The following NOCT variants were observed in gnomAD, a reference collection of about 807,000 sequenced individuals.
NOCT encodes the protein CCR4 carbon catabolite repression 4-like.
Under a neutral mutation model 35.0 loss-of-function variants are expected in NOCT, and 18 were observed. The ratio of observed to expected loss-of-function variants is 0.51; its 90% CI spans 0.36 to 0.76. The LOEUF is 0.76. Ranked by LOEUF, NOCT falls within the 30% of genes least tolerant of loss-of-function variation. NOCT has a pLI of 0.01. For missense variants in NOCT, 479 were observed against 541.0 expected (o/e 0.89, Z 1.14); for synonymous variants, 235 against 226.3 (o/e 1.04, Z -0.34).
In NOCT at chr4:139,035,864, A is replaced by G. The variant is rs574597031; in HGVS notation, c.191-7210A>G. Among the ~76,000 whole-genome samples the G allele has an allele frequency of 3.9e-5, 6 of 152,150 alleles. No homozygotes were observed. The East Asian group carries it at 7.8e-4, about 20-fold the overall frequency. On this transcript the variant is annotated intron_variant, in intron 1 of 2. Coordinates refer to ENST00000280614, the MANE Select transcript of NOCT (RefSeq NM_012118.4). ...CCTCTGTTTATCAAGCTTGCCACGCATGTTCCTCAGGGATTTTGCACTTGC... is the reference window on the plus strand; with the variant it reads ...CCTCTGTTTATCAAGCTTGCCACGCGTGTTCCTCAGGGATTTTGCACTTGC...
At chr4:139,016,638 G>GTT (rs1560727604) in intron 1 of NOCT, among the ~76,000 whole-genome samples, 2 of 50,822 alleles carry the variant, frequency 3.9e-5, no homozygotes, top group African/African-American at 1.4e-4. Context: ...TTCGTTTTAC[G>GTT]TTGTTTTTTT....
chr4:139,017,951 C>T (rs1206421133), intron 1 of NOCT, among the ~76,000 whole-genome samples: 1 of 152,108 alleles, frequency 6.6e-6, no homozygotes, highest in African/African-American at 2.4e-5. Flanking sequence ...GAGTTATCCT[C>T]AGACTCTGGA....
rs772273830 is a variant in NOCT at position 139,033,180 on chromosome 4, C to T, written c.191-9894C>T. 2.9e-4 allele frequency among the ~76,000 whole-genome samples: 44 copies of T among 151,684 alleles called. 1 individual carries two copies. The highest frequency in any genetic ancestry group is 9.7e-5 in the African/African-American group (4 of 41,336). Reference sequence around the variant, plus strand: ...AGGAGTTCAAGACCAGCCTAGCCAACGTGGTAAAACCCTGTCTCTACTAAA... The same window carrying T: ...AGGAGTTCAAGACCAGCCTAGCCAATGTGGTAAAACCCTGTCTCTACTAAA... On this transcript the variant is annotated intron_variant, in intron 1 of 2. Coordinates refer to ENST00000280614, the MANE Select transcript of NOCT (RefSeq NM_012118.4).
chr4:139,028,222 G>A (rs1436189346), intron 1 of NOCT: 1 of 152,248 alleles, frequency 6.6e-6, no homozygotes, highest in Non-Finnish European at 1.5e-5. Flanking sequence ...GTTAAACTAA[G>A]CATTTATCAT....
intron 1 of NOCT, among the ~76,000 whole-genome samples, chr4:139,039,060 G>GGT (rs1463341004): frequency 6.6e-6 from 1 of 150,830 alleles, no homozygotes; most frequent in African/African-American, 2.4e-5. Flanking sequence ...TAGCTTGTTG[G>GGT]GTGTGGTGGC....
At chr4:139,041,756 A>C (rs982982517) in intron 1 of NOCT, among the ~76,000 whole-genome samples, 2 of 152,190 alleles carry the variant, frequency 1.3e-5, no homozygotes, top group African/African-American at 4.8e-5. Flanking sequence ...AGCTGAACAA[A>C]ATCAGCTTAC....
At position 139,045,387 on chromosome 4, in the gene NOCT, C is replaced by T. The variant is rs778849254; in HGVS notation, c.1209C>T (p.Asn403=). Residue 403 remains asparagine, a synonymous_variant, in exon 3 of 3, where the codon AAC becomes AAT. Coordinates refer to ENST00000280614, the MANE Select transcript of NOCT (RefSeq NM_012118.4). The part of the protein sequence containing the change: ...DLLTEEQIGP[N]RLPSFNYPSD... ...TCACTGAAGAACAGATTGGACCCAA[C>T]AGGTTACCTTCCTTCAATTATCCTT... The T allele has an allele frequency of 1.9e-6, 3 of 1,613,978 alleles. No individual in the cohort carries two copies. Among genetic ancestry groups the T allele is most frequent in the Non-Finnish European group, 2.5e-6 (3 of 1,180,000 alleles).
chr4:139,043,392 C>G, intron 2 of NOCT, 49 bp downstream of exon 2: 1 of 1,566,504 alleles, frequency 6.4e-7, no homozygotes, highest in Non-Finnish European at 8.8e-7. Context: ...CTGTGACTGC[C>G]TTTCTGCTTC....
chr4:139,045,155 A>G lies in NOCT; in HGVS notation c.977A>G (p.Asn326Ser), dbSNP rs745430849. 6 of 1,614,080 alleles carry G rather than the reference A, an allele frequency of 3.7e-6. No homozygotes were observed. The highest frequency in any genetic ancestry group is 1.1e-5 in the South Asian group (1 of 91,086). ...KIPLIVCGDF[N>S]AEPTEEVYKH... ...CCCCTTATTGTGTGTGGGGACTTCA[A>G]TGCAGAGCCAACAGAAGAGGTCTAC... Residue 326 changes from asparagine to serine, a missense_variant, in exon 3 of 3, where the codon AAT (asparagine) becomes AGT (serine). Coordinates refer to ENST00000280614, the MANE Select transcript of NOCT (RefSeq NM_012118.4).
chr4:139,044,669 A>G lies in NOCT; in HGVS notation c.491A>G (p.Gln164Arg), dbSNP rs768139915. 3 of 1,613,908 alleles carry G rather than the reference A, an allele frequency of 1.9e-6. No homozygotes were observed. Among genetic ancestry groups the G allele is most frequent in the South Asian group, 2.2e-5 (2 of 91,066 alleles). ...GGAGAAGGCAAAGACAACTTTGTACAGTGCCCTGTTGAAGCACTCAAATGG... is the reference window on the plus strand; with the variant it reads ...GGAGAAGGCAAAGACAACTTTGTACGGTGCCCTGTTGAAGCACTCAAATGG... Reference protein sequence around the residue: ...ALGEGKDNFVQCPVEALKWEE... With the variant: ...ALGEGKDNFVRCPVEALKWEE... Residue 164 changes from glutamine to arginine, a missense_variant, in exon 3 of 3, where the codon CAG becomes CGG. This residue lies in a region of NOCT where 265 missense variants were observed against 257.0 expected (regional missense o/e 1.03). Transcript: ENST00000280614.
rs1235030761 is a variant in NOCT at position 139,044,672 on chromosome 4, G to A, written c.494G>A (p.Cys165Tyr). 1 of 1,613,918 alleles carries A rather than the reference G, an allele frequency of 6.2e-7. No individual in the cohort carries two copies. The change falls in exon 3 of 3, where the codon TGC becomes TAC. Residue 165 changes from cysteine (C) to tyrosine (Y), a missense_variant. Cys to Tyr is a radical substitution (Grantham distance 194). This residue lies in a region of NOCT where 265 missense variants were observed against 257.0 expected (regional missense o/e 1.03). Transcript: ENST00000280614. ...LGEGKDNFVQ[C>Y]PVEALKWEER... ...GAAGGCAAAGACAACTTTGTACAGT[G>A]CCCTGTTGAAGCACTCAAATGGGAA...
intron 2 of NOCT, chr4:139,043,971 A>G (rs1009107321): frequency 4.3e-5 from 5 of 115,758 alleles, no homozygotes; most frequent in Admixed American, 1.0e-4. Context: ...CACTGTCTCA[A>G]AAAAATATGT....
chr4:139,020,415 G>T (rs1057033461), intron 1 of NOCT, among the ~76,000 whole-genome samples: 1 of 152,174 alleles, frequency 6.6e-6, no homozygotes, highest in Non-Finnish European at 1.5e-5. Flanking sequence ...TGAAAAAGGA[G>T]GGTGTTTTGG....
chr4:139,023,978 G>C (rs1386154089), intron 1 of NOCT, among the ~76,000 whole-genome samples: 3 of 149,742 alleles, frequency 2.0e-5, no homozygotes, highest in Admixed American at 1.3e-4. Flanking sequence ...ATTGTCTCTT[G>C]TTCTCATGTT....
rs77480680 is a variant in NOCT at position 139,043,367 on chromosome 4, C to T, written c.460+24C>T. The T allele has an allele frequency of 9.1e-3, 14,607 of 1,605,408 alleles. 567 individuals carry two copies. The African/African-American group carries it at 0.096, about 11-fold the overall frequency. On this transcript the variant is annotated intron_variant, in intron 2 of 2. Transcript: ENST00000280614. ...AGGTATGCTGGATGCTTTTGTGCCT[C>T]TGCAGTCAAGTTTGCTGTGACTGCC...
At chr4:139,043,980 G>GTATATATATATATATATATATATATA (rs59044230) in intron 2 of NOCT, 9 of 135,368 alleles carry the variant, frequency 6.6e-5, no homozygotes, top group African/African-American at 2.6e-4. Context: ...AAAAAAATAT[G>GTATATATATATATATATATATATATA]TATATATATA....
intron 1 of NOCT, among the ~76,000 whole-genome samples, chr4:139,021,159 G>A (rs1560728861): frequency 1.3e-5 from 2 of 151,434 alleles, no homozygotes; most frequent in South Asian, 2.1e-4. Context: ...CCCGAAAAAA[G>A]CAGCTTTAAA....
At chr4:139,042,970 G>A in intron 1 of NOCT, 104 bp from the exon 2 acceptor site, 1 of 965,418 alleles carries the variant, frequency 1.0e-6, no homozygotes, top group Non-Finnish European at 1.5e-6. Flanking sequence ...GGCAACAATT[G>A]AGCTCCTGGT....
intron 1 of NOCT, among the ~76,000 whole-genome samples, chr4:139,021,144 T>C (rs936094406): frequency 6.6e-6 from 1 of 151,672 alleles, no homozygotes; most frequent in Non-Finnish European, 1.5e-5. Flanking sequence ...GAAAGAACAT[T>C]GACCCCCGAA....
Sources: allele counts gnomAD v4.1 joint callset (sites outside exome capture counted in the v4.1 genomes callset), GRCh38; gene constraint gnomAD v4.1.1; regional missense constraint gnomAD v4.1.1; transcripts MANE v1.5; gene names NCBI Gene and HGNC (gene_info 2026-07-23, HGNC 2026-07-21).